Variants in ZMIZ1 observed in about 807,000 individuals in gnomAD.
The protein encoded by ZMIZ1 is zinc finger MIZ domain-containing protein 1.
In ZMIZ1, 17 loss-of-function variants were observed where a neutral mutation model predicts 113.9. The ratio of observed to expected loss-of-function variants is 0.15; its 90% CI spans 0.10 to 0.22. The LOEUF is 0.22. Among genes scored for constraint, ZMIZ1 ranks in the 10% least tolerant of loss-of-function variants. The pLI, the probability that ZMIZ1 is intolerant of heterozygous loss-of-function variation, is 1.00. For synonymous variants in ZMIZ1, 607 were observed against 603.1 expected (o/e 1.01, Z -0.09); for missense variants, 1,059 against 1,477.8 (o/e 0.72, Z 4.65).
chr10:79,270,008 C>T (rs147761482), intron 7 of ZMIZ1, among the ~76,000 whole-genome samples: 64 of 152,354 alleles, frequency 4.2e-4, no homozygotes, highest in African/African-American at 1.5e-3. Flanking sequence ...TAGGGCTGCA[C>T]TCCTCTGCCT....
chr10:79,075,951 T>A (rs1470695290), intron 1 of ZMIZ1, among the ~76,000 whole-genome samples: 1 of 152,184 alleles, frequency 6.6e-6, no homozygotes, highest in East Asian at 1.9e-4. Flanking sequence ...GCAGGGAGGA[T>A]GGGGACGGTG....
intron 4 of ZMIZ1, among the ~76,000 whole-genome samples, chr10:79,199,683 A>C (rs1847990322): frequency 6.6e-6 from 1 of 152,198 alleles, no homozygotes; most frequent in African/African-American, 2.4e-5. Flanking sequence ...ACTCTCCAGA[A>C]GGGGGACTGA....
chr10:79,223,193 G>A (rs1426326511), intron 7 of ZMIZ1, among the ~76,000 whole-genome samples: 1 of 152,262 alleles, frequency 6.6e-6, no homozygotes, highest in Non-Finnish European at 1.5e-5. Context: ...GTCTCTCTAA[G>A]ACAAAGCTGT....
intron 2 of ZMIZ1, 112 bp from the exon 3 acceptor site, chr10:79,139,570 T>C (rs1314018081): frequency 2.5e-6 from 1 of 397,274 alleles, no homozygotes; most frequent in Non-Finnish European, 4.4e-6. Flanking sequence ...TGTGCTTAAG[T>C]GACCCAAGAG....
chr10:79,274,271 T>A (rs191585409), intron 7 of ZMIZ1, among the ~76,000 whole-genome samples: 6 of 152,334 alleles, frequency 3.9e-5, no homozygotes, highest in South Asian at 4.1e-4. Flanking sequence ...CCTGGGACTG[T>A]TTTTGCCATT....
At chr10:79,130,363 G>T (rs1281550914) in intron 2 of ZMIZ1, among the ~76,000 whole-genome samples, 4 of 152,178 alleles carry the variant, frequency 2.6e-5, no homozygotes, top group African/African-American at 7.2e-5. Context: ...AAAGGTCTGG[G>T]GACACCCTGA....
At chr10:79,309,104 G>A (rs1355642937) in intron 23 of ZMIZ1, among the ~76,000 whole-genome samples, 2 of 152,218 alleles carry the variant, frequency 1.3e-5, no homozygotes, top group Non-Finnish European at 2.9e-5. Context: ...GGTGGAGGCA[G>A]CCACACCCCC....
At chr10:79,209,881 C>G (rs1848468432) in intron 6 of ZMIZ1, among the ~76,000 whole-genome samples, 1 of 152,222 alleles carries the variant, frequency 6.6e-6, no homozygotes, top group Admixed American at 6.5e-5. Context: ...AGAGGGGATG[C>G]CCTTGGCCAT....
At chr10:79,141,512 A>T (rs1305255744) in intron 3 of ZMIZ1, among the ~76,000 whole-genome samples, 1 of 151,920 alleles carries the variant, frequency 6.6e-6, no homozygotes, top group Non-Finnish European at 1.5e-5. Context: ...AGCTGAAGTG[A>T]TTCTCCCACC....
intron 3 of ZMIZ1, among the ~76,000 whole-genome samples, chr10:79,146,217 G>A (rs909411383): frequency 2.6e-5 from 4 of 152,030 alleles, no homozygotes; most frequent in Non-Finnish European, 5.9e-5. Context: ...CAGGGTCTCC[G>A]CTCTGCCTGT....
chr10:79,204,434 C>G (rs1167258730), intron 5 of ZMIZ1, among the ~76,000 whole-genome samples: 2 of 152,228 alleles, frequency 1.3e-5, no homozygotes, highest in Non-Finnish European at 2.9e-5. Flanking sequence ...TGCAAATCAG[C>G]TCATTCCTGC....
In ZMIZ1 at chr10:79,275,510, G is replaced by A. The variant is rs550416278; in HGVS notation, c.281-1671G>A. ...ACTTCTCGGGGCTTTGGGCTGACGG[G>A]AACCCCGTCCAGGATCTGGGCGGCT... On this transcript the variant is annotated intron_variant, in intron 7 of 24. Transcript: ENST00000334512. 7.9e-5 allele frequency among the ~76,000 whole-genome samples: 12 copies of A among 152,360 alleles called. No individual in the cohort carries two copies. The South Asian group carries it at 1.0e-3, about 13-fold the overall frequency.
intron 1 of ZMIZ1, among the ~76,000 whole-genome samples, chr10:79,109,384 G>T (rs369424263): frequency 6.6e-6 from 1 of 152,146 alleles, no homozygotes; most frequent in Non-Finnish European, 1.5e-5. Context: ...GCCCAGCGTG[G>T]CTGGGCTGCC....
At chr10:79,246,818 A>G (rs1322330437) in intron 7 of ZMIZ1, among the ~76,000 whole-genome samples, 1 of 152,174 alleles carries the variant, frequency 6.6e-6, no homozygotes, top group Non-Finnish European at 1.5e-5. Context: ...CTCCCTGGCC[A>G]GACACCACAG....
At chr10:79,288,313 G>T (rs956704573) in intron 8 of ZMIZ1, among the ~76,000 whole-genome samples, 2 of 152,206 alleles carry the variant, frequency 1.3e-5, no homozygotes, top group African/African-American at 4.8e-5. Flanking sequence ...TGCATCCCCA[G>T]AGGTGCCTCC....
intron 3 of ZMIZ1, among the ~76,000 whole-genome samples, chr10:79,144,796 C>T (rs1005065817): frequency 3.3e-5 from 5 of 151,990 alleles, no homozygotes; most frequent in Admixed American, 6.6e-5. Flanking sequence ...ATGTTTTTAC[C>T]GCAGTAATTC....
chr10:79,206,881 A>T (rs1848338644), intron 5 of ZMIZ1, among the ~76,000 whole-genome samples: 1 of 152,156 alleles, frequency 6.6e-6, no homozygotes, highest in South Asian at 2.1e-4. Flanking sequence ...GAAGGAGGAC[A>T]TTCTCCTTCA....
chr10:79,092,029 G>T (rs1050484091), intron 1 of ZMIZ1, among the ~76,000 whole-genome samples: 3 of 152,076 alleles, frequency 2.0e-5, no homozygotes, highest in African/African-American at 7.2e-5. Flanking sequence ...AGGGCTTAGG[G>T]GCTGGTGCTG....
chr10:79,265,171 G>A (rs752553921), intron 7 of ZMIZ1, among the ~76,000 whole-genome samples: 1 of 152,198 alleles, frequency 6.6e-6, no homozygotes, highest in Non-Finnish European at 1.5e-5. Context: ...GGGGAGAGGG[G>A]GCGGGCGTGC....
Sources: gnomAD v4.1 joint callset for allele counts (sites outside exome capture counted in the v4.1 genomes callset) on GRCh38, gnomAD v4.1.1 for gene constraint, MANE v1.5 for transcripts, NCBI Gene and HGNC (gene_info 2026-07-23, HGNC 2026-07-21) for gene names.